The following MTCP1 variants were observed in gnomAD, a reference collection of about 807,000 sequenced individuals.
The protein encoded by MTCP1 is mature T cell proliferation 1, also known as protein p13 MTCP-1.
In MTCP1, 2 loss-of-function variants were observed where a neutral mutation model predicts 10.6. The ratio of observed to expected loss-of-function variants is 0.19; its 90% confidence interval spans 0.08 to 0.59. The LOEUF (loss-of-function observed/expected upper bound fraction) is 0.59, where lower values mean the gene tolerates loss of function less well. Ranked by LOEUF, MTCP1 falls within the 20% of genes least tolerant of loss-of-function variation. The pLI, the probability that MTCP1 is intolerant of heterozygous loss-of-function variation, is 0.90. For synonymous variants in MTCP1, 29 were observed against 34.4 expected (o/e 0.84, Z 0.55); for missense variants, 33 against 91.5 (o/e 0.36, Z 2.61).
intron 1 of MTCP1, among the ~76,000 whole-genome samples, chrX:155,069,995 T>C (rs1557292317): frequency 8.9e-6 from 1 of 112,323 alleles, no homozygotes; most frequent in African/African-American, 3.2e-5. Context: ...AGAGAAAATT[T>C]AGACAGGTCC....
intron 1 of MTCP1, among the ~76,000 whole-genome samples, chrX:155,068,830 A>G (rs1557292200): frequency 8.9e-6 from 1 of 112,711 alleles, no homozygotes; most frequent in African/African-American, 3.2e-5. Context: ...TCTCGAACTA[A>G]GACGAATCTT....
At chrX:155,066,402 TATG>T (rs2073948468) in intron 1 of MTCP1, among the ~76,000 whole-genome samples, 1 of 111,990 alleles carries the variant, frequency 8.9e-6, no homozygotes, top group Non-Finnish European at 1.9e-5. Flanking sequence ...AGCAATAGAA[TATG>T]CAAAGAGCGT....
rs1237685357 is a variant in MTCP1, at chrX:155,064,314, C to T, written c.*1090G>A. The T allele has an allele frequency of 6.0e-5, 11 of 184,773 alleles. No individual in the cohort carries two copies. The highest frequency in any genetic ancestry group is 3.0e-5 in the Non-Finnish European group (3 of 100,204). The allele number at this position is 184,773 out of a possible 1,213,427, so 15.2% of individuals were successfully genotyped here. ...TAAACCAACGTTAGGCTAGAGGAGC[C>T]GACGGCGCAGCCTGGCTCTATCATT... On this transcript the variant is annotated 3_prime_UTR_variant, in exon 5 of 5. Coordinates refer to ENST00000369476, the MANE Select transcript of MTCP1 (RefSeq NM_001018025.4).
rs973750245 is a variant in MTCP1, at chrX:155,064,644, C to A, written c.*760G>T. ...GAATCAGCAATATTTGGTGTTATTACTTCCTGAGAAAGGTGCCAGTTAAGC... is the reference window on the plus strand; with the variant it reads ...GAATCAGCAATATTTGGTGTTATTAATTCCTGAGAAAGGTGCCAGTTAAGC... On this transcript the variant is annotated 3_prime_UTR_variant, in exon 5 of 5. Transcript: ENST00000369476. The A allele has an allele frequency of 8.9e-6, 1 of 111,929 alleles. No individual in the cohort carries two copies. Among genetic ancestry groups the A allele is most frequent in the Non-Finnish European group, 1.9e-5 (1 of 53,193 alleles). The allele number at this position is 111,929 out of a possible 1,213,427, so 9.2% of individuals were successfully genotyped here.
Position 155,065,207 on chromosome X carries a change from T to C in MTCP1, c.*197A>G, listed in dbSNP as rs963210484. ...TAAGTGCTTTTGTTGACTTGCTTTC[T>C]GCCTACGTAACCTCTCTCTGCAGTT... is the stretch of plus-strand genomic sequence containing the variant. On this transcript the variant is annotated 3_prime_UTR_variant, in exon 5 of 5. Transcript: ENST00000369476. The C allele has an allele frequency of 5.9e-5, 21 of 354,215 alleles. No individual in the cohort carries two copies. The highest frequency in any genetic ancestry group is 3.6e-4 in the Admixed American group (7 of 19,635). The allele number at this position is 354,215 out of a possible 1,213,427, so 29.2% of individuals were successfully genotyped here.
chrX:155,069,032 A>T (rs1428668235), intron 1 of MTCP1, among the ~76,000 whole-genome samples: 1 of 112,604 alleles, frequency 8.9e-6, no homozygotes, highest in Non-Finnish European at 1.9e-5. Flanking sequence ...TCGGGGCCAG[A>T]GAGCACACTG....
chrX:155,069,771 G>A (rs1048534618), intron 1 of MTCP1, among the ~76,000 whole-genome samples: 2 of 112,096 alleles, frequency 1.8e-5, no homozygotes, highest in African/African-American at 3.2e-5. Context: ...ATGAGCATTA[G>A]AAAAGTTAGT....
rs1424080204 is a variant in MTCP1 at position 155,067,875 on chromosome X, G to A, written c.-47-1818C>T. The stretch of plus-strand genomic sequence containing the variant: ...GGTTGTCATGATTGGCTATGTATAC[G>A]TGGGTAGAGATTGATTCTCTAGGCA... On this transcript the variant is annotated intron_variant, in intron 1 of 4. Coordinates refer to ENST00000369476, the MANE Select transcript of MTCP1 (RefSeq NM_001018025.4). Among the ~76,000 whole-genome samples, 8 of 112,033 alleles carry A rather than the reference G, an allele frequency of 7.1e-5. No homozygotes were observed. The East Asian group carries it at 1.7e-3, about 24-fold the overall frequency.
rs1399212465 is a variant in MTCP1 at position 155,064,831 on chromosome X, A to C, written c.*573T>G. On this transcript the variant is annotated 3_prime_UTR_variant, in exon 5 of 5. Transcript: ENST00000369476. ...AAAGGCCCACAAGCCTTTGTAGCTA[A>C]TTTCATCAATGCATATCTCTTTTCA... is the stretch of plus-strand genomic sequence containing the variant. 1 of 112,487 alleles carries C rather than the reference A, an allele frequency of 8.9e-6. No individual in the cohort carries two copies. Among genetic ancestry groups the C allele is most frequent in the Non-Finnish European group, 1.9e-5 (1 of 53,335 alleles). 9.3% of individuals were successfully genotyped at this position (112,487 alleles called of 1,213,427 possible).
chrX:155,064,043 G>T lies in MTCP1; in HGVS notation c.*1361C>A, dbSNP rs941960453. ...CGGCATATCCAGAAAACTAAAACAA[G>T]AAAAATGATTTTTATTTTTCTTTTT... On this transcript the variant is annotated 3_prime_UTR_variant, in exon 5 of 5. Coordinates refer to ENST00000369476, the MANE Select transcript of MTCP1 (RefSeq NM_001018025.4). 8.5e-7 allele frequency: 1 copy of T among 1,171,213 alleles called. No homozygotes were observed.
intron 1 of MTCP1, among the ~76,000 whole-genome samples, chrX:155,067,471 C>A (rs919964259): frequency 1.8e-5 from 2 of 111,703 alleles, no homozygotes; most frequent in African/African-American, 6.5e-5. Context: ...GACCAACTTT[C>A]CCCAAATACC....
At chrX:155,068,151 A>G (rs1200968378) in intron 1 of MTCP1, among the ~76,000 whole-genome samples, 1 of 112,654 alleles carries the variant, frequency 8.9e-6, no homozygotes, top group Non-Finnish European at 1.9e-5. Flanking sequence ...TCTCAATTTC[A>G]TAGATAGGTC....
chrX:155,069,780 G>C (rs1489325720), intron 1 of MTCP1, among the ~76,000 whole-genome samples: 7 of 112,140 alleles, frequency 6.2e-5, no homozygotes, highest in Non-Finnish European at 1.3e-4. Context: ...AGAAAAGTTA[G>C]TGAACCTCAT....
chrX:155,065,710 G>A lies in MTCP1; in HGVS notation c.185C>T (p.Thr62Ile), dbSNP rs1557291958. The A allele has an allele frequency of 8.3e-7, 1 of 1,211,434 alleles. No individual in the cohort carries two copies. Among genetic ancestry groups the A allele is most frequent in the Admixed American group, 2.2e-5 (1 of 46,048 alleles). The change falls in exon 3 of 5, where the codon ACC becomes ATC. Residue 62 changes from threonine to isoleucine, a missense_variant. Transcript: ENST00000369476. ...GDAARPSHLL[T>I]SQLPLMWQLY... is the part of the protein sequence containing the mutation. ...TTGCCACATGAGAGGTAGCTGGGAG[G>A]TAAGAAGGTGACTTGGCCTAGCTGC...
chrX:155,065,449 AAG>A (rs2073944535), intron 4 of MTCP1, 35 bp downstream of exon 4: 8 of 1,168,267 alleles, frequency 6.8e-6, no homozygotes, highest in Non-Finnish European at 9.3e-6. Context: ...AGCCAAAACA[AAG>A]AGGGGGAGGA....
intron 1 of MTCP1, among the ~76,000 whole-genome samples, chrX:155,068,916 G>A (rs782611045): frequency 8.9e-6 from 1 of 112,233 alleles, no homozygotes; most frequent in Non-Finnish European, 1.9e-5. Flanking sequence ...CTCAACTCAA[G>A]GAATACTGCC....
Position 155,066,012 on chromosome X carries a change from C to A in MTCP1, c.-2G>T, listed in dbSNP as rs1216735432. ...AGCCCCCACATCCTCTCCTGCCATTCTGGGCTTTGGGTTCCAATTCTAGCC... is the reference window on the plus strand; with the variant it reads ...AGCCCCCACATCCTCTCCTGCCATTATGGGCTTTGGGTTCCAATTCTAGCC... On this transcript the variant is annotated 5_prime_UTR_variant, in exon 2 of 5. Transcript: ENST00000369476. 1 of 1,201,306 alleles carries A rather than the reference C, an allele frequency of 8.3e-7. No individual in the cohort carries two copies. The highest frequency in any genetic ancestry group is 1.1e-6 in the Non-Finnish European group (1 of 887,523).
Position 155,065,530 on chromosome X carries a change from C to T in MTCP1, c.284G>A (p.Gly95Glu). ...AAGCTTAAGCAACAGCTCCTGTACT[C>T]CCCTGACCTGTCAGAAAAAGAAAAG... Reference protein sequence around the residue: ...WQIQHHLMVRGVQELLLKLLP... With the variant: ...WQIQHHLMVREVQELLLKLLP... The change falls in exon 4 of 5, where the codon GGA becomes GAA. Residue 95 changes from glycine to glutamate, a missense_variant. Physicochemically the swap from Gly to Glu is moderately conservative, Grantham distance 98. Coordinates refer to ENST00000369476, the MANE Select transcript of MTCP1 (RefSeq NM_001018025.4). The T allele has an allele frequency of 8.3e-7, 1 of 1,211,136 alleles. No individual in the cohort carries two copies. The highest frequency in any genetic ancestry group is 1.1e-6 in the Non-Finnish European group (1 of 894,672).
rs2073944398 is a variant in MTCP1, at chrX:155,065,419, A to C, written c.*5-20T>G. On this transcript the variant is annotated intron_variant, in intron 4 of 4. Transcript: ENST00000369476. Reference sequence around the variant, plus strand: ...CAGCACCTGGAAAAAAAAATCATTAAAATCACCACAACTGAATAGAGCCAA... The same window carrying C: ...CAGCACCTGGAAAAAAAAATCATTACAATCACCACAACTGAATAGAGCCAA... 2 of 1,023,651 alleles carry C rather than the reference A, an allele frequency of 2.0e-6. No homozygotes were observed. The highest frequency in any genetic ancestry group is 3.8e-5 in the African/African-American group (2 of 52,573). The allele number at this position is 1,023,651 out of a possible 1,213,427, so 84.4% of individuals were successfully genotyped here.
Sources: allele counts gnomAD v4.1 joint callset (sites outside exome capture counted in the v4.1 genomes callset), GRCh38; gene constraint gnomAD v4.1.1; transcripts MANE v1.5; gene names NCBI Gene and HGNC (gene_info 2026-07-23, HGNC 2026-07-21).